Variants in EVC2 observed in about 807,000 individuals in gnomAD.
EVC2 encodes EvC ciliary complex subunit 2.
EVC2 carries 148 observed loss-of-function variants against 149.3 expected under a neutral mutation model. The observed-to-expected ratio is 0.99, with a 90% CI of 0.87 to 1.14. EVC2 has a LOEUF of 1.14. Among genes scored for constraint, EVC2 ranks in the 50% most tolerant of loss-of-function variants. EVC2 has a pLI of 0.00. For synonymous variants in EVC2, 776 were observed against 649.9 expected (o/e 1.19, Z -2.95); for missense variants, 1,854 against 1,627.3 (o/e 1.14, Z -2.40).
intron 1 of EVC2, among the ~76,000 whole-genome samples, chr4:5,700,852 T>C (rs1470589932): frequency 6.6e-6 from 1 of 151,656 alleles, no homozygotes; most frequent in Non-Finnish European, 1.5e-5. Flanking sequence ...TTCCACTTAA[T>C]GATCAGTCCT....
rs984660307 is a variant in EVC2 at position 5,569,507 on chromosome 4, T to A, written c.3361-867A>T. ...CTAAAATAACTTCAAAATTAAAAATTTTGGCCAGGCATGGGGGCTCACATC... is the reference window on the plus strand; with the variant it reads ...CTAAAATAACTTCAAAATTAAAAATATTGGCCAGGCATGGGGGCTCACATC... On this transcript the variant is annotated intron_variant, in intron 19 of 21. Transcript: ENST00000344408. The surrounding 1 kb of genome is among the most constrained non-coding windows in gnomAD (Gnocchi z 4.8). 2.0e-5 allele frequency among the ~76,000 whole-genome samples: 3 copies of A among 152,102 alleles called. No homozygotes were observed. The highest frequency in any genetic ancestry group is 4.4e-5 in the Non-Finnish European group (3 of 68,010).
rs1721260608 is a variant in EVC2 at position 5,693,458 on chromosome 4, G to A, written c.450+877C>T. ...ACAGAGGAGGCCAAGAGCAGATGGA[G>A]GGAGAGAGTCAAGTGATCCAGCCAC... On this transcript the variant is annotated intron_variant, in intron 3 of 21. Transcript: ENST00000344408. 3.9e-5 allele frequency among the ~76,000 whole-genome samples: 6 copies of A among 152,234 alleles called. No individual in the cohort carries two copies. In the South Asian group the frequency reaches 1.2e-3, roughly 31 times the overall value.
Position 5,628,266 on chromosome 4 carries a change from T to G in EVC2, c.1886+293A>C, listed in dbSNP as rs1716263199. ...AGAGACGGGACCTTTACGAGATGAT[T>G]AGGTCATGAGGGATCCACCCTCATG... On this transcript the variant is annotated intron_variant, in intron 12 of 21. Transcript: ENST00000344408. 2.0e-5 allele frequency among the ~76,000 whole-genome samples: 3 copies of G among 151,930 alleles called. No individual in the cohort carries two copies. In the South Asian group the frequency reaches 6.2e-4, roughly 32 times the overall value.
chr4:5,557,642 T>C (rs1721860602), downstream of EVC2, among the ~76,000 whole-genome samples: 2 of 152,252 alleles, frequency 1.3e-5, no homozygotes, highest in East Asian at 3.9e-4. Flanking sequence ...CATAATTGTC[T>C]ATATAGAACA....
At chr4:5,556,258 T>C (rs1721838402) in intron 21 of EVC2, among the ~76,000 whole-genome samples, 1 of 142,712 alleles carries the variant, frequency 7.0e-6, no homozygotes, top group African/African-American at 2.6e-5. Context: ...CAGATCACCA[T>C]AGAATTAAAC....
chr4:5,532,531 T>A, the EVC2 span, among the ~76,000 whole-genome samples: 1 of 152,146 alleles, frequency 6.6e-6, no homozygotes, highest in Non-Finnish European at 1.5e-5. Context: ...TGAGCCTGCA[T>A]GTTCTTACAC....
intron 9 of EVC2, among the ~76,000 whole-genome samples, chr4:5,652,438 G>A (rs1258170112): frequency 6.6e-6 from 1 of 152,222 alleles, no homozygotes; most frequent in Non-Finnish European, 1.5e-5. Flanking sequence ...AACTGCATGT[G>A]TTTCCTGTGG....
At chr4:5,697,491 G>A in intron 2 of EVC2, 102 bp downstream of exon 2, 3 of 1,187,754 alleles carry the variant, frequency 2.5e-6, no homozygotes, top group Non-Finnish European at 3.7e-6. Context: ...GAGAGGTGCT[G>A]GAAGGATCAG....
chr4:5,568,361 G>A, intron 20 of EVC2, 83 bp downstream of exon 20: 1 of 1,336,314 alleles, frequency 7.5e-7, no homozygotes, highest in Middle Eastern at 2.6e-4. Flanking sequence ...CAAAATACAT[G>A]GGCCTCCCAT....
intron 21 of EVC2, among the ~76,000 whole-genome samples, chr4:5,546,062 C>T (rs1345394862): frequency 2.0e-5 from 3 of 152,130 alleles, no homozygotes; most frequent in African/African-American, 7.2e-5. Context: ...AGTCAGGAAA[C>T]AACAGGTGCT....
At chr4:5,707,102 G>A (rs1162227640) in intron 1 of EVC2, among the ~76,000 whole-genome samples, 1 of 152,182 alleles carries the variant, frequency 6.6e-6, no homozygotes, top group Non-Finnish European at 1.5e-5. Context: ...GCCAGAGAGA[G>A]AGTACAGGAC....
rs1485671441 is a variant in EVC2 at position 5,618,637 on chromosome 4, G to A, written c.2547C>T (p.Leu849=). 1 of 1,611,628 alleles carries A rather than the reference G, an allele frequency of 6.2e-7. No individual in the cohort carries two copies. ...AGCCATGGACCTCCTGCCTCATCCTGAGCAGCTCCTCTTCAGACAGGGAGA... is the reference window on the plus strand; with the variant it reads ...AGCCATGGACCTCCTGCCTCATCCTAAGCAGCTCCTCTTCAGACAGGGAGA... ...SVFSLSEEEL[L]RMRQEVHGCF... Residue 849 remains leucine (L), a synonymous_variant, in exon 15 of 22, where the codon CTC becomes CTT. Transcript: ENST00000344408. This position sits in a 1 kb window ranked among gnomAD's most constrained non-coding sequence, Gnocchi z 4.4.
chr4:5,607,019 G>A (rs1714448127), intron 16 of EVC2, among the ~76,000 whole-genome samples: 1 of 152,144 alleles, frequency 6.6e-6, no homozygotes, highest in African/African-American at 2.4e-5. Flanking sequence ...TTAGTTACAT[G>A]TTTTATGCCA....
chr4:5,600,741 G>T (rs1713908381), intron 16 of EVC2, among the ~76,000 whole-genome samples: 2 of 152,132 alleles, frequency 1.3e-5, no homozygotes. Context: ...ATCTAGAAGT[G>T]GGAGGTAAAA....
chr4:5,622,803 T>C lies in EVC2; in HGVS notation c.2235A>G (p.Glu745=), dbSNP rs60121553. The stretch of plus-strand genomic sequence containing the variant: ...GGCGCCGCAGCTCGTCGGTGGCCTT[T>C]TCAAACAGCGAAAGGGTCAGGGTCC... ...DLRTLTLSLF[E]KATDELRRLQ... is the part of the protein sequence containing the mutation. The change falls in exon 14 of 22, where the codon GAA becomes GAG. Residue 745 remains glutamate, a synonymous_variant. Transcript: ENST00000344408. The surrounding 1 kb of genome is among the most constrained non-coding windows in gnomAD (Gnocchi z 5.8). The C allele has an allele frequency of 0.021, 33,746 of 1,613,900 alleles. 2,813 individuals carry two copies. The African/African-American group carries it at 0.26, about 12-fold the overall frequency.
At chr4:5,697,744 CA>C in intron 1 of EVC2, 97 bp from the exon 2 acceptor site, 2 of 1,075,786 alleles carry the variant, frequency 1.9e-6, no homozygotes. Flanking sequence ...AGAGGACATG[CA>C]CTTTTTTTTT....
intron 21 of EVC2, among the ~76,000 whole-genome samples, chr4:5,548,683 T>C (rs745736071): frequency 6.6e-6 from 1 of 152,146 alleles, no homozygotes; most frequent in Non-Finnish European, 1.5e-5. Flanking sequence ...GCCAGAAATA[T>C]GATTACAAGG....
chr4:5,629,242 T>C (rs988138936), intron 11 of EVC2, among the ~76,000 whole-genome samples: 11 of 152,280 alleles, frequency 7.2e-5, no homozygotes, highest in African/African-American at 2.4e-4. Context: ...AGGAGAGTAA[T>C]AACCTAGATA....
chr4:5,707,851 G>A (rs1306356399), intron 1 of EVC2, among the ~76,000 whole-genome samples: 1 of 152,074 alleles, frequency 6.6e-6, no homozygotes, highest in Non-Finnish European at 1.5e-5. Flanking sequence ...CCAGCCAAGA[G>A]CCCCCACTTT....
Sources: allele counts gnomAD v4.1 joint callset (sites outside exome capture counted in the v4.1 genomes callset), GRCh38; gene constraint gnomAD v4.1.1; non-coding constraint Gnocchi (gnomAD v3.1); transcripts MANE v1.5; gene names NCBI Gene and HGNC (gene_info 2026-07-23, HGNC 2026-07-21).